TENM2: variants seen among roughly 807,000 people sequenced by gnomAD.
The protein encoded by TENM2 is teneurin transmembrane protein 2, also known as teneurin-2.
In TENM2, 52 loss-of-function variants were observed where a neutral mutation model predicts 245.2. The observed-to-expected ratio is 0.21, with a 90% CI of 0.17 to 0.27. TENM2 has a LOEUF of 0.27. Among genes scored for constraint, TENM2 ranks in the 10% least tolerant of loss-of-function variants. The probability of loss-of-function intolerance (pLI) is 1.00; values close to 1 mark genes in which losing one functional copy is unlikely to be tolerated. For missense variants in TENM2, 3,046 were observed against 3,666.8 expected, an observed-to-expected ratio of 0.83 and a Z score of 4.37; for synonymous variants, 1,363 against 1,438.9, an observed-to-expected ratio of 0.95 and a Z score of 1.19.
At chr5:168,155,892 T>TAAAAAAAAAA (rs55977607) in intron 12 of TENM2, among the ~76,000 whole-genome samples, 14 of 96,926 alleles carry the variant, frequency 1.4e-4, no homozygotes, top group African/African-American at 4.0e-4. Flanking sequence ...CTGGCATCTG[T>TAAAAAAAAAA]AAAAAAAAAA....
chr5:167,836,269 T>C (rs1297715475), intron 2 of TENM2, among the ~76,000 whole-genome samples: 2 of 152,212 alleles, frequency 1.3e-5, no homozygotes, highest in African/African-American at 4.8e-5. Flanking sequence ...CCTGTTAACA[T>C]AATTTAAATT....
At chr5:167,217,037 TTGA>T in the TENM2 span, among the ~76,000 whole-genome samples, 1 of 152,200 alleles carries the variant, frequency 6.6e-6, no homozygotes, top group Non-Finnish European at 1.5e-5. Context: ...TAATAAATTA[TTGA>T]TATTAATTTG....
intron 2 of TENM2, among the ~76,000 whole-genome samples, chr5:167,520,526 A>G (rs1171936099): frequency 1.3e-5 from 2 of 152,072 alleles, no homozygotes; most frequent in African/African-American, 2.4e-5. Flanking sequence ...ACCAGTGAAG[A>G]TTTGGTCCAT....
intron 12 of TENM2, among the ~76,000 whole-genome samples, chr5:168,133,419 A>G (rs1205155386): frequency 6.6e-6 from 1 of 152,244 alleles, no homozygotes; most frequent in African/African-American, 2.4e-5. Flanking sequence ...GCTGATCTCT[A>G]AGGACCTGTC....
intron 2 of TENM2, among the ~76,000 whole-genome samples, chr5:167,547,725 A>G (rs989052732): frequency 5.3e-5 from 8 of 152,232 alleles, no homozygotes; most frequent in Admixed American, 1.3e-4. Flanking sequence ...GTATAGCCTC[A>G]TAATAGTCCC....
At chr5:167,854,333 T>A (rs1308541318) in intron 2 of TENM2, among the ~76,000 whole-genome samples, 1 of 152,168 alleles carries the variant, frequency 6.6e-6, no homozygotes, top group Non-Finnish European at 1.5e-5. Context: ...CATGTGAATA[T>A]GAGTTTGTAG....
intron 1 of TENM2, among the ~76,000 whole-genome samples, chr5:167,360,112 C>G (rs1759614084): frequency 6.6e-6 from 1 of 152,048 alleles, no homozygotes; most frequent in Non-Finnish European, 1.5e-5. Flanking sequence ...TACAACAAAC[C>G]CCGGTGATAC....
intron 9 of TENM2, among the ~76,000 whole-genome samples, chr5:168,112,429 T>A (rs893307383): frequency 5.8e-4 from 89 of 152,222 alleles, no homozygotes; most frequent in African/African-American, 2.0e-3. Flanking sequence ...TATGTGTCCA[T>A]GTGTTCTCAT....
intron 2 of TENM2, among the ~76,000 whole-genome samples, chr5:167,772,686 G>C (rs1008695839): frequency 1.1e-4 from 17 of 151,594 alleles, no homozygotes; most frequent in African/African-American, 3.9e-4. Flanking sequence ...GCTTCATATA[G>C]ATTGTCACCA....
At chr5:167,967,718 C>T (rs1202242223) in intron 4 of TENM2, among the ~76,000 whole-genome samples, 1 of 152,196 alleles carries the variant, frequency 6.6e-6, no homozygotes, top group Non-Finnish European at 1.5e-5. Context: ...ATTGTAAGAG[C>T]AAGACTTTGC....
intron 2 of TENM2, among the ~76,000 whole-genome samples, chr5:167,480,621 A>G (rs942283338): frequency 6.6e-6 from 1 of 152,204 alleles, no homozygotes; most frequent in African/African-American, 2.4e-5. Context: ...GATGTAAATG[A>G]TTCATACATC....
chr5:167,327,269 T>C (rs1245203337), intron 1 of TENM2, among the ~76,000 whole-genome samples: 1 of 152,176 alleles, frequency 6.6e-6, no homozygotes, highest in East Asian at 1.9e-4. Flanking sequence ...AGTGAGAACA[T>C]GCGGTGTTTG....
chr5:167,718,992 A>G (rs76356463), intron 2 of TENM2, among the ~76,000 whole-genome samples: 1 of 152,132 alleles, frequency 6.6e-6, no homozygotes, highest in Non-Finnish European at 1.5e-5. Context: ...TCTAGTTTTT[A>G]TGTTTTTCAG....
the TENM2 span, among the ~76,000 whole-genome samples, chr5:167,204,538 T>C: frequency 7.2e-5 from 11 of 152,318 alleles, no homozygotes; most frequent in East Asian, 2.1e-3. Flanking sequence ...AGCGGAATCC[T>C]GCTTAGGATT....
At chr5:168,090,906 T>C (rs1039605230) in intron 8 of TENM2, 137 bp downstream of exon 10, 11 of 712,366 alleles carry the variant, frequency 1.5e-5, no homozygotes, top group Non-Finnish European at 2.4e-5. Context: ...TTAGGCCTTA[T>C]AGTGTCACCC....
chr5:167,499,910 GTA>G (rs1390668760), intron 2 of TENM2, among the ~76,000 whole-genome samples: 25 of 147,212 alleles, frequency 1.7e-4, no homozygotes, highest in African/African-American at 4.8e-4. Context: ...ATGTGAGGGT[GTA>G]TATGTGTGTG....
At chr5:167,389,137 AAAGT>A (rs1761610911) in intron 2 of TENM2, among the ~76,000 whole-genome samples, 1 of 151,858 alleles carries the variant, frequency 6.6e-6, no homozygotes, top group Admixed American at 6.6e-5. Context: ...TATGCTGCCC[AAAGT>A]AAGATATCTA....
At chr5:167,801,114 ATATATAT>A in intron 2 of TENM2, among the ~76,000 whole-genome samples, 1 of 40,416 alleles carries the variant, frequency 2.5e-5, no homozygotes, top group Non-Finnish European at 4.2e-5. Context: ...AAAAAAATAT[ATATATAT>A]ATATATATAT....
chr5:167,893,396 A>C (rs1774919900), intron 3 of TENM2, among the ~76,000 whole-genome samples: 1 of 152,174 alleles, frequency 6.6e-6, no homozygotes, highest in South Asian at 2.1e-4. Flanking sequence ...ATTGTAGTAG[A>C]AAATTCCTCT....
Sources: gnomAD v4.1 joint callset for allele counts (sites outside exome capture counted in the v4.1 genomes callset) on GRCh38, gnomAD v4.1.1 for gene constraint, MANE v1.5 for transcripts, NCBI Gene and HGNC (gene_info 2026-07-23, HGNC 2026-07-21) for gene names.